The following PTPRQ variants were observed in gnomAD, a reference collection of about 807,000 sequenced individuals.
PTPRQ encodes protein tyrosine phosphatase receptor type Q.
A neutral mutation model predicts 246.0 loss-of-function variants in PTPRQ; 199 were observed. That is an observed-to-expected ratio of 0.81 (90% CI 0.72 to 0.91). The LOEUF (loss-of-function observed/expected upper bound fraction) is 0.91, where lower values mean the gene tolerates loss of function less well. PTPRQ is among the 40% of genes least tolerant of loss of function. The probability of loss-of-function intolerance (pLI) is 0.00; values close to 1 mark genes in which losing one functional copy is unlikely to be tolerated. For missense variants in PTPRQ, 2,624 were observed against 2,528.4 expected, an observed-to-expected ratio of 1.04 and a Z score of -0.81; for synonymous variants, 869 against 853.2, an observed-to-expected ratio of 1.02 and a Z score of -0.32.
At chr12:80,490,350 T>C (rs147735830) in intron 9 of PTPRQ, among the ~76,000 whole-genome samples, 30 of 152,046 alleles carry the variant, frequency 2.0e-4, no homozygotes, top group African/African-American at 7.0e-4. Flanking sequence ...GTGATAGGGT[T>C]TTTTAGAAAA....
At chr12:80,593,123 A>G (rs568196873) in intron 26 of PTPRQ, among the ~76,000 whole-genome samples, 6 of 152,338 alleles carry the variant, frequency 3.9e-5, no homozygotes, top group African/African-American at 1.4e-4. Flanking sequence ...CAAAATAACT[A>G]TCTCAGAGAA....
intron 17 of PTPRQ, among the ~76,000 whole-genome samples, chr12:80,522,848 G>A (rs1239752825): frequency 6.6e-6 from 1 of 152,094 alleles, no homozygotes; most frequent in African/African-American, 2.4e-5. Context: ...TCTCTGCCAG[G>A]CTTTGGTATC....
chr12:80,650,122 T>C lies in PTPRQ; in HGVS notation c.6024+453T>C, dbSNP rs374279589. ...ATTAGTGATATAGATGAATGTGAGA[T>C]CAAAACTTGAAGCTTCCAGAAACTA... On this transcript the variant is annotated intron_variant, in intron 37 of 44. Transcript: ENST00000644991. 2.6e-5 allele frequency among the ~76,000 whole-genome samples: 4 copies of C among 152,114 alleles called. No homozygotes were observed. The East Asian group carries it at 7.7e-4, about 29-fold the overall frequency.
At chr12:80,623,513 C>G (rs2121142051) in intron 33 of PTPRQ, among the ~76,000 whole-genome samples, 1 of 152,200 alleles carries the variant, frequency 6.6e-6, no homozygotes, top group East Asian at 1.9e-4. Flanking sequence ...GATGCCACCA[C>G]AGTAAAATAA....
intron 17 of PTPRQ, among the ~76,000 whole-genome samples, chr12:80,524,510 A>T (rs892738480): frequency 6.6e-6 from 1 of 152,132 alleles, no homozygotes; most frequent in Non-Finnish European, 1.5e-5. Flanking sequence ...ATATTGCACA[A>T]TTTTAGCATT....
intron 1 of PTPRQ, 87 bp downstream of exon 1, chr12:80,444,486 G>T: frequency 1.2e-6 from 1 of 812,074 alleles, no homozygotes. Flanking sequence ...TTGTGACAGT[G>T]AACTAGGATA....
chr12:80,588,515 A>G (rs1030036478), intron 26 of PTPRQ, 63 bp downstream of exon 26: 22 of 1,368,750 alleles, frequency 1.6e-5, no homozygotes, highest in Non-Finnish European at 2.0e-5. Context: ...TCTATATATT[A>G]TGCTTTATAC....
intron 29 of PTPRQ, among the ~76,000 whole-genome samples, chr12:80,614,113 AAAAG>A: frequency 6.6e-6 from 1 of 150,940 alleles, no homozygotes; most frequent in East Asian, 1.9e-4. Flanking sequence ...CATTAAAAGT[AAAAG>A]AACAGTGATA....
At chr12:80,448,164 T>TC (rs1892612102) in intron 3 of PTPRQ, among the ~76,000 whole-genome samples, 2 of 152,146 alleles carry the variant, frequency 1.3e-5, no homozygotes, top group East Asian at 3.8e-4. Flanking sequence ...TAAATGGGAT[T>TC]GAATTCTTGA....
chr12:80,670,309 A>C lies in PTPRQ; in HGVS notation c.6454-35A>C. On this transcript the variant is annotated intron_variant, in intron 41 of 44. Coordinates refer to ENST00000644991, the MANE Select transcript of PTPRQ (RefSeq NM_001145026.2). ...TCAACCTTCATTGTGGAACTTAAAT[A>C]ATTTTGTCATTCATTAATCCGTCCC... 5 of 1,544,070 alleles carry C rather than the reference A, an allele frequency of 3.2e-6. No individual in the cohort carries two copies. The South Asian group carries it at 6.1e-5, about 19-fold the overall frequency.
At chr12:80,608,038 A>T (rs1257259377) in intron 27 of PTPRQ, among the ~76,000 whole-genome samples, 1 of 150,808 alleles carries the variant, frequency 6.6e-6, no homozygotes, top group Non-Finnish European at 1.5e-5. Context: ...CTGTTATGGG[A>T]GGAATAGAAG....
At position 80,537,524 on chromosome 12, in the gene PTPRQ, G is replaced by A. The variant is rs1023476933; in HGVS notation, c.2986-2252G>A. Among the ~76,000 whole-genome samples, 60 of 152,204 alleles carry A rather than the reference G, an allele frequency of 3.9e-4. 1 individual carries two copies. Among genetic ancestry groups the A allele is most frequent in the African/African-American group, 1.4e-3 (57 of 41,540 alleles). On this transcript the variant is annotated intron_variant, in intron 19 of 44. Transcript: ENST00000644991. ...TCTTCTGCAACTATGTCAGACATAG[G>A]TTTAATGCTCAATACATATTTTAAT...
rs754561798 is a variant in PTPRQ at position 80,546,537 on chromosome 12, CT to C, written c.3874-12del. ...TTTTTGACAGTGCATTAACTAATAA[CT>C]TTTTTTCTGTTTTTCAGAATATATC... On this transcript the variant is annotated intron_variant, in intron 23 of 44. Coordinates refer to ENST00000644991, the MANE Select transcript of PTPRQ (RefSeq NM_001145026.2). 2.3e-5 allele frequency: 35 copies of C among 1,534,166 alleles called. No homozygotes were observed. In the East Asian group the frequency reaches 5.2e-4, roughly 23 times the overall value.
At chr12:80,504,701 C>T (rs1354464738) in intron 14 of PTPRQ, among the ~76,000 whole-genome samples, 2 of 151,794 alleles carry the variant, frequency 1.3e-5, no homozygotes, top group Non-Finnish European at 2.9e-5. Context: ...AATAGCAGCT[C>T]AGGACTACAG....
intron 39 of PTPRQ, among the ~76,000 whole-genome samples, chr12:80,658,453 G>T (rs372591045): frequency 3.9e-5 from 6 of 151,998 alleles, no homozygotes; most frequent in Admixed American, 1.3e-4. Flanking sequence ...TTCCCTTCTA[G>T]ATCTGCAGTC....
At chr12:80,648,852 T>G in intron 35 of PTPRQ, 45 bp from the exon 36 acceptor site, 5 of 1,500,620 alleles carry the variant, frequency 3.3e-6, no homozygotes, top group Non-Finnish European at 2.7e-6. Flanking sequence ...CAGAATTAGC[T>G]GTCCACTCTG....
At chr12:80,551,088 A>G (rs1358793537) in intron 25 of PTPRQ, among the ~76,000 whole-genome samples, 1 of 152,014 alleles carries the variant, frequency 6.6e-6, no homozygotes, top group African/African-American at 2.4e-5. Context: ...TTATTCTAAT[A>G]TCTCCTGCAT....
intron 35 of PTPRQ, among the ~76,000 whole-genome samples, chr12:80,637,185 A>G (rs1430207536): frequency 1.9e-5 from 2 of 103,586 alleles, no homozygotes; most frequent in Non-Finnish European, 4.1e-5. Flanking sequence ...TCCATGTCAA[A>G]CAAAAAGAGT....
Position 80,670,472 on chromosome 12 carries a change from AC to A in PTPRQ, c.6584del (p.Pro2195LeufsTer2), listed in dbSNP as rs1365673974. ...VRASRAHDTT[P>X]MIVHCSAGVG... ...GAGCAAGCAGGGCACATGACACCAC[AC>A]CTATGATTGTTCACTGCAGGTGAGA... On this transcript the variant is annotated frameshift_variant, in exon 42 of 45. Coordinates refer to ENST00000644991, the MANE Select transcript of PTPRQ (RefSeq NM_001145026.2). LOFTEE classifies it high-confidence loss of function. 6.5e-7 allele frequency: 1 copy of A among 1,549,502 alleles called. No homozygotes were observed. The highest frequency in any genetic ancestry group is 8.7e-7 in the Non-Finnish European group (1 of 1,145,934).
Sources: gnomAD v4.1 joint callset for allele counts (sites outside exome capture counted in the v4.1 genomes callset) on GRCh38, gnomAD v4.1.1 for gene constraint, MANE v1.5 for transcripts, NCBI Gene and HGNC (gene_info 2026-07-23, HGNC 2026-07-21) for gene names.